TENM1: variants seen among roughly 807,000 people sequenced by gnomAD.
TENM1 encodes teneurin-1.
Under a neutral mutation model 174.8 loss-of-function variants are expected in TENM1, and 35 were observed. That is an observed-to-expected ratio of 0.20 (90% CI 0.15 to 0.27). TENM1 has a LOEUF of 0.27. Ranked by LOEUF, TENM1 falls within the 10% of genes least tolerant of loss-of-function variation. TENM1 has a pLI of 1.00. For synonymous variants in TENM1, 781 were observed against 798.7 expected (o/e 0.98, Z 0.37); for missense variants, 1,633 against 2,130.1 (o/e 0.77, Z 4.59).
At chrX:125,201,913 G>A in the TENM1 span, among the ~76,000 whole-genome samples, 1 of 111,546 alleles carries the variant, frequency 9.0e-6, no homozygotes, top group Non-Finnish European at 1.9e-5. Context: ...TACTTTGAGG[G>A]TCTTACTATG....
In TENM1 at chrX:124,892,940, T is replaced by C. The variant is rs757251630; in HGVS notation, c.535+1356A>G. On this transcript the variant is annotated intron_variant, in intron 3 of 31. Coordinates refer to ENST00000422452, the Ensembl canonical transcript of TENM1. The stretch of plus-strand genomic sequence containing the variant: ...TGATAAGCATGCTTTCATGAATGGA[T>C]AAAGTCAATGGGAAATAAATAGCAA... Among the ~76,000 whole-genome samples the C allele has an allele frequency of 1.2e-4, 13 of 112,243 alleles. No homozygotes were observed. In the South Asian group the frequency reaches 2.9e-3, roughly 25 times the overall value.
At chrX:124,884,853 G>A (rs140356278) in intron 3 of TENM1, among the ~76,000 whole-genome samples, 50 of 111,676 alleles carry the variant, frequency 4.5e-4, no homozygotes, top group Non-Finnish European at 7.3e-4. Flanking sequence ...GAAATGTGTC[G>A]TTAGGGGATT....
the TENM1 span, among the ~76,000 whole-genome samples, chrX:125,143,644 A>C: frequency 3.8e-4 from 43 of 112,048 alleles, no homozygotes; most frequent in Non-Finnish European, 6.8e-4. Context: ...AGCAAGGCAA[A>C]TAAAATTCTA....
At chrX:125,186,595 G>GCA in the TENM1 span, among the ~76,000 whole-genome samples, 1 of 107,290 alleles carries the variant, frequency 9.3e-6, no homozygotes, top group African/African-American at 3.4e-5. Flanking sequence ...AAAAAGCCTG[G>GCA]CACACACTCT....
intron 1 of TENM1, among the ~76,000 whole-genome samples, chrX:124,905,082 T>C (rs1011435351): frequency 9.0e-6 from 1 of 110,827 alleles, no homozygotes; most frequent in African/African-American, 3.3e-5. Flanking sequence ...CCCACCACTT[T>C]GGGAAGCCAA....
the TENM1 span, among the ~76,000 whole-genome samples, chrX:124,973,129 C>A: frequency 3.1e-3 from 341 of 111,788 alleles, 4 homozygotes; most frequent in African/African-American, 0.01. Context: ...TATGGCTAGC[C>A]AGTTTTCCCA....
At chrX:124,573,848 A>G (rs1474731666) in intron 11 of TENM1, among the ~76,000 whole-genome samples, 1 of 112,432 alleles carries the variant, frequency 8.9e-6, no homozygotes, top group African/African-American at 3.2e-5. Flanking sequence ...CAATCTTCCT[A>G]TAATCAGCAG....
intron 11 of TENM1, among the ~76,000 whole-genome samples, chrX:124,637,611 T>C (rs974709321): frequency 1.8e-5 from 2 of 111,508 alleles, no homozygotes; most frequent in Non-Finnish European, 3.8e-5. Flanking sequence ...GGCTTTCCTA[T>C]TGTCCTCAGG....
intron 11 of TENM1, among the ~76,000 whole-genome samples, chrX:124,612,550 T>A (rs1244646954): frequency 9.0e-6 from 1 of 111,511 alleles, no homozygotes; most frequent in Non-Finnish European, 1.9e-5. Flanking sequence ...ACTATGTTGA[T>A]AACAAGCAAG....
chrX:124,712,048 T>A (rs2053064750), intron 4 of TENM1, among the ~76,000 whole-genome samples: 1 of 112,120 alleles, frequency 8.9e-6, no homozygotes, highest in South Asian at 3.7e-4. Context: ...CAAATAATAT[T>A]CTTTTGTATG....
chrX:125,020,021 T>C, the TENM1 span, among the ~76,000 whole-genome samples: 1 of 110,579 alleles, frequency 9.0e-6, no homozygotes, highest in African/African-American at 3.3e-5. Context: ...GTTATGTATT[T>C]GAATGTGTCT....
At chrX:124,741,558 A>G (rs1216564715) in intron 3 of TENM1, among the ~76,000 whole-genome samples, 1 of 112,120 alleles carries the variant, frequency 8.9e-6, no homozygotes, top group East Asian at 2.8e-4. Flanking sequence ...ACCTAATAAG[A>G]ATGACAGCAT....
At chrX:124,935,533 T>G (rs2058232728) in intron 1 of TENM1, among the ~76,000 whole-genome samples, 1 of 112,609 alleles carries the variant, frequency 8.9e-6, no homozygotes, top group Non-Finnish European at 1.9e-5. Flanking sequence ...TCTCCTTATT[T>G]GATTATAATA....
intron 13 of TENM1, 98 bp from the exon 17 acceptor site, chrX:124,561,915 C>A (rs911886537): frequency 2.3e-6 from 2 of 879,930 alleles, no homozygotes; most frequent in Non-Finnish European, 3.2e-6. Context: ...ACCATCTGGG[C>A]CCCATTCAGA....
the TENM1 span, among the ~76,000 whole-genome samples, chrX:125,099,501 G>GGCT: frequency 8.9e-5 from 10 of 111,822 alleles, no homozygotes. Flanking sequence ...TGTAATTTGG[G>GGCT]GCTGCAATAA....
At chrX:124,813,233 A>C (rs955661925) in intron 3 of TENM1, among the ~76,000 whole-genome samples, 1 of 111,482 alleles carries the variant, frequency 9.0e-6, no homozygotes, top group Non-Finnish European at 1.9e-5. Flanking sequence ...ATGCAAAATA[A>C]AAATACAGCA....
At chrX:124,518,685 A>G (rs2047773138) in intron 18 of TENM1, among the ~76,000 whole-genome samples, 1 of 112,160 alleles carries the variant, frequency 8.9e-6, no homozygotes, top group South Asian at 3.8e-4. Context: ...GAGTAACATA[A>G]TCTTTATGAT....
intron 1 of TENM1, among the ~76,000 whole-genome samples, chrX:124,956,182 G>A (rs2058571873): frequency 1.8e-5 from 2 of 111,343 alleles, no homozygotes; most frequent in South Asian, 7.5e-4. Flanking sequence ...AGACCCCCAT[G>A]GTACTTTACA....
At chrX:124,883,708 G>C (rs1367996460) in intron 3 of TENM1, among the ~76,000 whole-genome samples, 1 of 112,042 alleles carries the variant, frequency 8.9e-6, no homozygotes. Flanking sequence ...CAGTGGCTGT[G>C]GCAGGTTGGA....
Sources: gnomAD v4.1 joint callset for allele counts (sites outside exome capture counted in the v4.1 genomes callset) on GRCh38, gnomAD v4.1.1 for gene constraint, MANE v1.5 for transcripts, NCBI Gene and HGNC (gene_info 2026-07-23, HGNC 2026-07-21) for gene names.